Variants in EYS observed in about 807,000 individuals in gnomAD.
EYS encodes protein eyes shut homolog.
A neutral mutation model predicts 282.1 loss-of-function variants in EYS; 250 were observed. That is an observed-to-expected ratio of 0.89 (90% CI 0.80 to 0.98). The LOEUF is 0.98. Ranked by LOEUF, EYS falls within the 50% of genes least tolerant of loss-of-function variation. The probability of loss-of-function intolerance (pLI) is 0.00; values close to 1 mark genes in which losing one functional copy is unlikely to be tolerated. For missense variants in EYS, 4,016 were observed against 3,709.0 expected, an observed-to-expected ratio of 1.08 and a Z score of -2.15; for synonymous variants, 1,355 against 1,282.9, an observed-to-expected ratio of 1.06 and a Z score of -1.20.
intron 12 of EYS, among the ~76,000 whole-genome samples, chr6:65,224,640 C>T (rs1766570996): frequency 6.6e-6 from 1 of 151,942 alleles, no homozygotes. Context: ...AATTGACAAA[C>T]CTTTAGCTAG....
chr6:64,296,583 T>TATAC (rs1769021124), intron 30 of EYS, among the ~76,000 whole-genome samples: 1 of 7,742 alleles, frequency 1.3e-4, no homozygotes, highest in Non-Finnish European at 3.0e-4. Context: ...TATATATATA[T>TATAC]ACATATATAT....
chr6:65,094,920 TG>T (rs1455799036), intron 12 of EYS, among the ~76,000 whole-genome samples: 2 of 151,160 alleles, frequency 1.3e-5, no homozygotes, highest in Non-Finnish European at 3.0e-5. Flanking sequence ...AGTAAAGAGT[TG>T]GTTTTCTGAA....
intron 41 of EYS, chr6:63,744,787 C>T (rs1769171908): frequency 1.0e-5 from 2 of 196,292 alleles, no homozygotes; most frequent in Middle Eastern, 6.4e-4. Flanking sequence ...AAGCTGGTCT[C>T]GAACTCCTGA....
intron 26 of EYS, among the ~76,000 whole-genome samples, chr6:64,493,968 G>A (rs1430264054): frequency 6.6e-6 from 1 of 151,574 alleles, no homozygotes; most frequent in Admixed American, 6.6e-5. Flanking sequence ...AAGGGACTAA[G>A]GGGTCCTGAA....
intron 2 of EYS, among the ~76,000 whole-genome samples, chr6:65,513,229 G>GGTTGAAGAAGTTGATTCTTCA (rs1766969269): frequency 6.6e-6 from 1 of 152,086 alleles, no homozygotes; most frequent in African/African-American, 2.4e-5. Flanking sequence ...ACCCTCCCAA[G>GGTTGAAGAAGTTGATTCTTCA]ACTAAACCAG....
In EYS at chr6:65,402,471, A is replaced by G. The variant is rs769527969; in HGVS notation, c.1184+7T>C. 9 of 1,476,558 alleles carry G rather than the reference A, an allele frequency of 6.1e-6. No individual in the cohort carries two copies. In the African/African-American group the frequency reaches 8.3e-5, roughly 14 times the overall value. 91.5% of individuals were successfully genotyped at this position (1,476,558 alleles called of 1,614,324 possible). Reference sequence around the variant, plus strand: ...TGTATTAAAAATAAACAGAAAATTAATTATACCTGCAAGGATAATCTTTCT... The same window carrying G: ...TGTATTAAAAATAAACAGAAAATTAGTTATACCTGCAAGGATAATCTTTCT... On this transcript the variant is annotated splice_region_variant and intron_variant, in intron 7 of 42. Coordinates refer to ENST00000503581, the MANE Select transcript of EYS (RefSeq NM_001142800.2).
At chr6:64,581,694 A>C (rs1766073742) in intron 26 of EYS, among the ~76,000 whole-genome samples, 1 of 152,140 alleles carries the variant, frequency 6.6e-6, no homozygotes, top group Non-Finnish European at 1.5e-5. Flanking sequence ...GGCTTGTATA[A>C]TGCCCTTACG....
At chr6:64,897,535 A>T (rs1361532553) in intron 18 of EYS, among the ~76,000 whole-genome samples, 1 of 152,188 alleles carries the variant, frequency 6.6e-6, no homozygotes, top group Admixed American at 6.5e-5. Flanking sequence ...TAAAAACCAG[A>T]ATGCCTCTTC....
At chr6:64,129,851 C>T (rs918272687) in intron 31 of EYS, among the ~76,000 whole-genome samples, 2 of 152,186 alleles carry the variant, frequency 1.3e-5, no homozygotes, top group African/African-American at 2.4e-5. Flanking sequence ...CTACATATGG[C>T]TAGCCAGCTT....
intron 29 of EYS, among the ~76,000 whole-genome samples, chr6:64,379,937 T>G (rs1772688968): frequency 6.6e-6 from 1 of 152,292 alleles, no homozygotes; most frequent in South Asian, 2.1e-4. Flanking sequence ...CAAGTAATGG[T>G]TAACAATGTC....
chr6:64,987,577 G>A (rs1053131067), intron 14 of EYS, among the ~76,000 whole-genome samples: 5 of 151,464 alleles, frequency 3.3e-5, no homozygotes, highest in Non-Finnish European at 5.9e-5. Flanking sequence ...CTCAAGGTCT[G>A]ATACTTTCAG....
At chr6:63,881,969 A>G (rs1773144397) in intron 35 of EYS, among the ~76,000 whole-genome samples, 1 of 152,222 alleles carries the variant, frequency 6.6e-6, no homozygotes, top group African/African-American at 2.4e-5. Context: ...AAGACAGGAC[A>G]TGATTTATCT....
At chr6:64,851,118 C>G (rs918003238) in intron 19 of EYS, among the ~76,000 whole-genome samples, 1 of 152,026 alleles carries the variant, frequency 6.6e-6, no homozygotes, top group Non-Finnish European at 1.5e-5. Context: ...GAGAAAATAA[C>G]ATGGAAGCGA....
At chr6:64,369,542 C>G (rs1334358342) in intron 29 of EYS, among the ~76,000 whole-genome samples, 1 of 152,102 alleles carries the variant, frequency 6.6e-6, no homozygotes, top group Non-Finnish European at 1.5e-5. Flanking sequence ...CGTCTATGAG[C>G]ATGGAATGTG....
intron 2 of EYS, among the ~76,000 whole-genome samples, chr6:65,622,632 T>C (rs1164733459): frequency 1.3e-5 from 2 of 152,204 alleles, no homozygotes; most frequent in Non-Finnish European, 2.9e-5. Context: ...TTTGGATTAC[T>C]GCATTGGAGA....
intron 31 of EYS, among the ~76,000 whole-genome samples, chr6:64,188,214 A>G (rs1454857919): frequency 1.3e-5 from 2 of 152,082 alleles, no homozygotes; most frequent in Non-Finnish European, 2.9e-5. Flanking sequence ...CCTTGCCAAC[A>G]TACCTCAGTG....
At chr6:65,396,020 A>G (rs182589969) in intron 7 of EYS, among the ~76,000 whole-genome samples, 217 of 152,300 alleles carry the variant, frequency 1.4e-3, no homozygotes, top group Middle Eastern at 3.4e-3. Flanking sequence ...GCCGCAGATG[A>G]CAAAATTTCC....
chr6:64,317,286 C>A (rs1167055497), intron 29 of EYS, among the ~76,000 whole-genome samples: 1 of 151,368 alleles, frequency 6.6e-6, no homozygotes, highest in Non-Finnish European at 1.5e-5. Context: ...TAAAATCTAT[C>A]CATCTGACAA....
rs556409747 is a variant in EYS at position 65,372,594 on chromosome 6, C to T, written c.1299+11792G>A. 5.9e-5 allele frequency among the ~76,000 whole-genome samples: 9 copies of T among 151,834 alleles called. No homozygotes were observed. In the East Asian group the frequency reaches 1.6e-3, roughly 26 times the overall value. ...CTCTTAATCTCTTCAATAGTTTATACATATGTGGTGGTGATTAGAAACCTA... is the reference window on the plus strand; with the variant it reads ...CTCTTAATCTCTTCAATAGTTTATATATATGTGGTGGTGATTAGAAACCTA... On this transcript the variant is annotated intron_variant, in intron 8 of 42. Coordinates refer to ENST00000503581, the MANE Select transcript of EYS (RefSeq NM_001142800.2).
Sources: gnomAD v4.1 joint callset for allele counts (sites outside exome capture counted in the v4.1 genomes callset) on GRCh38, gnomAD v4.1.1 for gene constraint, MANE v1.5 for transcripts, NCBI Gene and HGNC (gene_info 2026-07-23, HGNC 2026-07-21) for gene names.